The following PCDHA6 variants were observed in gnomAD, a reference collection of about 807,000 sequenced individuals.
PCDHA6 encodes the protein protocadherin alpha-6.
PCDHA6 carries 55 observed loss-of-function variants against 60.3 expected under a neutral mutation model. That is an observed-to-expected ratio of 0.91 (90% CI 0.73 to 1.14). PCDHA6 has a LOEUF of 1.14. Among genes scored for constraint, PCDHA6 ranks in the 50% most tolerant of loss-of-function variants. The probability of loss-of-function intolerance (pLI) is 0.00; values close to 1 mark genes in which losing one functional copy is unlikely to be tolerated. For synonymous variants in PCDHA6, 652 were observed against 557.9 expected (o/e 1.17, Z -2.38); for missense variants, 1,327 against 1,256.5 (o/e 1.06, Z -0.85).
In PCDHA6 at chr5:140,828,044, C is replaced by A. The variant is rs2150150318; in HGVS notation, c.-48C>A. 1 of 1,542,076 alleles carries A rather than the reference C, an allele frequency of 6.5e-7. No homozygotes were observed. The highest frequency in any genetic ancestry group is 2.1e-5 in the Admixed American group (1 of 48,362). On this transcript the variant is annotated 5_prime_UTR_variant, in exon 1 of 4. Transcript: ENST00000529310. ...AATTCCGGAACATACAGTATTTTATCTTTATGCGGAAGATCTTCTAATGGA... is the reference window on the plus strand; with the variant it reads ...AATTCCGGAACATACAGTATTTTATATTTATGCGGAAGATCTTCTAATGGA...
chr5:140,965,036 G>A (rs568573122), intron 1 of PCDHA6, among the ~76,000 whole-genome samples: 1 of 152,272 alleles, frequency 6.6e-6, no homozygotes, highest in African/African-American at 2.4e-5. Context: ...TTAACTGTCC[G>A]CTCTAGGAGG....
intron 1 of PCDHA6, chr5:140,841,579 G>T: frequency 6.2e-7 from 1 of 1,614,044 alleles, no homozygotes; most frequent in South Asian, 1.1e-5. Context: ...TTTTGTTTGT[G>T]AATTCTCGGA....
intron 1 of PCDHA6, chr5:140,850,196 A>T: frequency 6.3e-7 from 1 of 1,592,830 alleles, no homozygotes; most frequent in Non-Finnish European, 8.6e-7. Flanking sequence ...CGCTGCTGAC[A>T]CCTCGGATGA....
chr5:140,847,399 C>T lies in PCDHA6; in HGVS notation c.2394+16914C>T, dbSNP rs114287755. On this transcript the variant is annotated intron_variant, in intron 1 of 3. Coordinates refer to ENST00000529310, the MANE Select transcript of PCDHA6 (RefSeq NM_018909.4). Reference sequence around the variant, plus strand: ...TAAATATGCAAAAACATTAATGGCACAATAAACACTCACGGTTTTGCCTTT... The same window carrying T: ...TAAATATGCAAAAACATTAATGGCATAATAAACACTCACGGTTTTGCCTTT... 2.4e-3 allele frequency: 361 copies of T among 149,562 alleles called. 12 individuals are homozygous for T. Among genetic ancestry groups the T allele is most frequent in the African/African-American group, 8.0e-3 (327 of 40,902 alleles). 9.3% of individuals were successfully genotyped at this position (149,562 alleles called of 1,614,324 possible).
chr5:140,899,052 C>CCAA (rs1554188364), intron 1 of PCDHA6, among the ~76,000 whole-genome samples: 7 of 151,400 alleles, frequency 4.6e-5, no homozygotes, highest in Non-Finnish European at 1.0e-4. Flanking sequence ...TATCCTGAGA[C>CCAA]TTTGCTGAAG....
At chr5:140,913,166 G>C (rs1357125827) in intron 1 of PCDHA6, among the ~76,000 whole-genome samples, 2 of 152,160 alleles carry the variant, frequency 1.3e-5, no homozygotes, top group African/African-American at 4.8e-5. Flanking sequence ...ATTGGTATTA[G>C]TTCTTCTTTA....
chr5:140,880,381 A>C (rs2058322833), intron 1 of PCDHA6, among the ~76,000 whole-genome samples: 1 of 152,196 alleles, frequency 6.6e-6, no homozygotes, highest in Admixed American at 6.5e-5. Context: ...GAGAATAGAA[A>C]ATAATTTTTA....
At position 140,869,813 on chromosome 5, in the gene PCDHA6, A is replaced by T. The variant is rs782789559; in HGVS notation, c.2394+39328A>T. On this transcript the variant is annotated intron_variant, in intron 1 of 3. Transcript: ENST00000529310. Reference sequence around the variant, plus strand: ...TTAGTCCAAGTCTTGGATGTCAACGACAATGATCCAGAGTTTGATAAATCA... The same window carrying T: ...TTAGTCCAAGTCTTGGATGTCAACGTCAATGATCCAGAGTTTGATAAATCA... The T allele has an allele frequency of 3.1e-6, 5 of 1,612,416 alleles. No individual in the cohort carries two copies. The South Asian group carries it at 5.5e-5, about 18-fold the overall frequency.
intron 1 of PCDHA6, chr5:140,842,767 G>A (rs2150343877): frequency 1.9e-6 from 3 of 1,594,562 alleles, no homozygotes; most frequent in Non-Finnish European, 2.6e-6. Context: ...CGCGAGACGC[G>A]GACGCGCAGG....
intron 1 of PCDHA6, chr5:140,927,020 T>G: frequency 6.2e-7 from 1 of 1,612,524 alleles, no homozygotes; most frequent in Non-Finnish European, 8.5e-7. Flanking sequence ...TCCGCGGACT[T>G]GAGGCTGCCA....
intron 1 of PCDHA6, chr5:140,848,306 T>C (rs1781428970): frequency 1.4e-6 from 1 of 705,366 alleles, no homozygotes; most frequent in South Asian, 2.0e-5. Context: ...GTGATGTCAC[T>C]CTTTGCCGCG....
At chr5:140,850,218 G>A (rs2150473987) in intron 1 of PCDHA6, 3 of 1,593,686 alleles carry the variant, frequency 1.9e-6, no homozygotes, top group African/African-American at 1.3e-5. Flanking sequence ...GGGCACTGAC[G>A]GCGCAGTGAG....
Position 140,929,454 on chromosome 5 carries a change from C to T in PCDHA6, c.2395-49495C>T, listed in dbSNP as rs2086172726. ...AACTAAACACTCCTTCTTAGCACTTCCTGTGCCAAGAAATCTGGAAGTATA... is the reference window on the plus strand; with the variant it reads ...AACTAAACACTCCTTCTTAGCACTTTCTGTGCCAAGAAATCTGGAAGTATA... On this transcript the variant is annotated intron_variant, in intron 1 of 3. Transcript: ENST00000529310. 7 of 1,355,724 alleles carry T rather than the reference C, an allele frequency of 5.2e-6. No individual in the cohort carries two copies. In the Admixed American group the frequency reaches 8.0e-5, roughly 16 times the overall value. The allele number at this position is 1,355,724 out of a possible 1,614,324, so 84.0% of individuals were successfully genotyped here. A position where few individuals can be genotyped will look rare whatever the true frequency, so the allele number is the denominator to read the frequency against.
chr5:140,976,887 C>T (rs933700917), intron 1 of PCDHA6, among the ~76,000 whole-genome samples: 2 of 152,150 alleles, frequency 1.3e-5, no homozygotes, highest in Non-Finnish European at 2.9e-5. Flanking sequence ...AATTAGGATA[C>T]ATGCAACAGT....
At chr5:140,972,708 G>C (rs1309799075) in intron 1 of PCDHA6, among the ~76,000 whole-genome samples, 1 of 146,140 alleles carries the variant, frequency 6.8e-6, no homozygotes, top group East Asian at 2.0e-4. Context: ...TCTGTTGCCA[G>C]GCTGGAGTGC....
chr5:140,889,923 C>T (rs1225073810), intron 1 of PCDHA6, among the ~76,000 whole-genome samples: 1 of 152,184 alleles, frequency 6.6e-6, no homozygotes, highest in African/African-American at 2.4e-5. Flanking sequence ...TGTAAAGAAG[C>T]TCAAGCTGGA....
intron 1 of PCDHA6, among the ~76,000 whole-genome samples, chr5:140,962,929 A>T (rs1386992197): frequency 1.3e-5 from 2 of 152,070 alleles, no homozygotes; most frequent in Non-Finnish European, 2.9e-5. Context: ...ATACTTCTCA[A>T]CCTCCTCTCC....
chr5:140,915,517 G>T (rs982535213), intron 1 of PCDHA6, among the ~76,000 whole-genome samples: 17 of 152,066 alleles, frequency 1.1e-4, no homozygotes, highest in African/African-American at 4.1e-4. Flanking sequence ...TTGCAGACTA[G>T]TAGAGGTACC....
rs368166956 is a variant in PCDHA6, at chr5:140,870,187, G to T, written c.2394+39702G>T. On this transcript the variant is annotated intron_variant, in intron 1 of 3. Coordinates refer to ENST00000529310, the MANE Select transcript of PCDHA6 (RefSeq NM_018909.4). Reference sequence around the variant, plus strand: ...CTTGTCCCTCCCAGTACGAGAGGACGCTCAGCCCAGCACGGTCATTGCCCT... The same window carrying T: ...CTTGTCCCTCCCAGTACGAGAGGACTCTCAGCCCAGCACGGTCATTGCCCT... 55 of 1,614,092 alleles carry T rather than the reference G, an allele frequency of 3.4e-5. No individual in the cohort carries two copies. The African/African-American group carries it at 6.5e-4, about 19-fold the overall frequency.
Sources: allele counts gnomAD v4.1 joint callset (sites outside exome capture counted in the v4.1 genomes callset), GRCh38; gene constraint gnomAD v4.1.1; transcripts MANE v1.5; gene names NCBI Gene and HGNC (gene_info 2026-07-23, HGNC 2026-07-21).